LRMDA: variants seen among roughly 807,000 people sequenced by gnomAD.
LRMDA encodes the protein leucine rich melanocyte differentiation associated, also known as leucine-rich melanocyte differentiation-associated protein.
LRMDA carries 18 observed loss-of-function variants against 29.8 expected under a neutral mutation model. That is an observed-to-expected ratio of 0.60 (90% CI 0.42 to 0.90). The LOEUF (loss-of-function observed/expected upper bound fraction) is 0.90, where lower values mean the gene tolerates loss of function less well. Ranked by LOEUF, LRMDA falls within the 40% of genes least tolerant of loss-of-function variation. LRMDA has a pLI of 0.00. For synonymous variants in LRMDA, 125 were observed against 109.4 expected (o/e 1.14, Z -0.89); for missense variants, 273 against 273.9 (o/e 1.00, Z 0.02).
intron 5 of LRMDA, among the ~76,000 whole-genome samples, chr10:76,305,382 C>A (rs1220818444): frequency 6.6e-6 from 1 of 152,080 alleles, no homozygotes; most frequent in Non-Finnish European, 1.5e-5. Flanking sequence ...AAAGTAACCT[C>A]AAAACATCTT....
At chr10:76,049,547 G>C (rs1363907486) in intron 4 of LRMDA, among the ~76,000 whole-genome samples, 4 of 152,016 alleles carry the variant, frequency 2.6e-5, no homozygotes, top group African/African-American at 9.7e-5. Context: ...TTTTACTGTT[G>C]GTTTGATGAG....
chr10:75,948,010 A>T (rs896455691), intron 2 of LRMDA, among the ~76,000 whole-genome samples: 25 of 152,226 alleles, frequency 1.6e-4, no homozygotes, highest in Non-Finnish European at 2.2e-4. Context: ...AGGTCCATAG[A>T]AGGGCCTTGA....
At chr10:76,416,796 C>A (rs915569787) in intron 6 of LRMDA, among the ~76,000 whole-genome samples, 1 of 152,198 alleles carries the variant, frequency 6.6e-6, no homozygotes, top group Non-Finnish European at 1.5e-5. Context: ...CCAGTGCTCA[C>A]ACATACACCC....
intron 6 of LRMDA, among the ~76,000 whole-genome samples, chr10:76,472,432 G>T (rs1842627270): frequency 6.6e-6 from 1 of 151,676 alleles, no homozygotes; most frequent in Admixed American, 6.6e-5. Context: ...GAAATTTGTG[G>T]TTGTAAATGC....
intron 2 of LRMDA, among the ~76,000 whole-genome samples, chr10:75,896,734 T>G (rs938622670): frequency 6.6e-6 from 1 of 152,124 alleles, no homozygotes; most frequent in African/African-American, 2.4e-5. Context: ...CCTCCTCGTT[T>G]AATATTTATC....
intron 5 of LRMDA, among the ~76,000 whole-genome samples, chr10:76,192,842 A>G (rs1279523437): frequency 6.6e-6 from 1 of 152,206 alleles, no homozygotes; most frequent in Non-Finnish European, 1.5e-5. Flanking sequence ...AGTTAGGTAG[A>G]GCTCAGACTT....
intron 5 of LRMDA, among the ~76,000 whole-genome samples, chr10:76,187,104 C>T (rs1851163741): frequency 1.3e-5 from 2 of 152,110 alleles, no homozygotes; most frequent in Admixed American, 1.3e-4. Context: ...TCTTGCCTAG[C>T]CCATCCAGGA....
At chr10:76,095,072 A>T (rs1849292626) in intron 5 of LRMDA, among the ~76,000 whole-genome samples, 1 of 152,244 alleles carries the variant, frequency 6.6e-6, no homozygotes, top group Non-Finnish European at 1.5e-5. Context: ...GATAATTATC[A>T]TAACAATCAA....
intron 2 of LRMDA, among the ~76,000 whole-genome samples, chr10:75,664,186 T>G (rs1841792460): frequency 6.6e-6 from 1 of 152,194 alleles, no homozygotes; most frequent in Admixed American, 6.5e-5. Context: ...CTCCTCTTTC[T>G]CAACCAGTCC....
intron 6 of LRMDA, among the ~76,000 whole-genome samples, chr10:76,510,302 C>T (rs952416698): frequency 1.3e-5 from 2 of 152,172 alleles, no homozygotes; most frequent in African/African-American, 4.8e-5. Context: ...AACTCCTGAC[C>T]TCAGGGAATC....
chr10:75,816,303 G>A (rs1168218859), intron 2 of LRMDA, among the ~76,000 whole-genome samples: 1 of 152,172 alleles, frequency 6.6e-6, no homozygotes, highest in African/African-American at 2.4e-5. Context: ...AGAACTCTGG[G>A]AGAGCTAAGG....
chr10:76,096,064 ATCT>A (rs1849307504), intron 5 of LRMDA, among the ~76,000 whole-genome samples: 6 of 152,078 alleles, frequency 3.9e-5, no homozygotes, highest in Admixed American at 3.9e-4. Context: ...CCCGGTCTGT[ATCT>A]TCCTTTTTCA....
chr10:76,332,191 C>T (rs1013395557), intron 6 of LRMDA, among the ~76,000 whole-genome samples: 2 of 152,176 alleles, frequency 1.3e-5, no homozygotes, highest in African/African-American at 4.8e-5. Flanking sequence ...CATGTGTGCA[C>T]TCGCTGTCTG....
At chr10:75,478,166 CT>C (rs1161241867) in intron 2 of LRMDA, among the ~76,000 whole-genome samples, 1 of 152,214 alleles carries the variant, frequency 6.6e-6, no homozygotes, top group African/African-American at 2.4e-5. Flanking sequence ...CAGCATTCAC[CT>C]TGGGAGGAGG....
At chr10:76,113,066 A>G (rs1285797460) in intron 5 of LRMDA, among the ~76,000 whole-genome samples, 1 of 152,182 alleles carries the variant, frequency 6.6e-6, no homozygotes, top group Non-Finnish European at 1.5e-5. Context: ...TCCTCCTGTT[A>G]GTCCGAGCAT....
At chr10:75,788,682 T>C (rs921482890) in intron 2 of LRMDA, among the ~76,000 whole-genome samples, 4 of 152,252 alleles carry the variant, frequency 2.6e-5, no homozygotes, top group Non-Finnish European at 4.4e-5. Context: ...GTTAACCATT[T>C]ACGAGACACA....
At position 76,290,441 on chromosome 10, in the gene LRMDA, CAG is replaced by C. The variant is rs1181005757; in HGVS notation, c.517-33957_517-33956del. On this transcript the variant is annotated intron_variant, in intron 5 of 6. Coordinates refer to ENST00000611255, the MANE Select transcript of LRMDA (RefSeq NM_001305581.2). ...TTTTTTTTTTTTTTTTTTTTTGAGA[CAG>C]AGTCTCACTCTGTTGCCCAGGCTGG... Among the ~76,000 whole-genome samples the C allele has an allele frequency of 3.1e-3, 323 of 103,622 alleles. 1 individual carries two copies. Among genetic ancestry groups the C allele is most frequent in the African/African-American group, 0.012 (314 of 26,084 alleles). 68.0% of individuals were successfully genotyped at this position (103,622 alleles called of 152,430 possible). A position where few individuals can be genotyped will look rare whatever the true frequency, so the allele number is the denominator to read the frequency against.
At chr10:75,959,231 C>T (rs1215434147) in intron 2 of LRMDA, among the ~76,000 whole-genome samples, 1 of 152,184 alleles carries the variant, frequency 6.6e-6, no homozygotes, top group Non-Finnish European at 1.5e-5. Context: ...CATGGAGGAG[C>T]TGCTTGGATG....
chr10:75,562,829 C>T (rs1425681446), intron 2 of LRMDA, among the ~76,000 whole-genome samples: 1 of 152,122 alleles, frequency 6.6e-6, no homozygotes, highest in Non-Finnish European at 1.5e-5. Flanking sequence ...ATTGAAAATT[C>T]TTTTCTTTAA....
Sources: gnomAD v4.1 joint callset for allele counts (sites outside exome capture counted in the v4.1 genomes callset) on GRCh38, gnomAD v4.1.1 for gene constraint, MANE v1.5 for transcripts, NCBI Gene and HGNC (gene_info 2026-07-23, HGNC 2026-07-21) for gene names.